Variants in CDK8 observed in about 807,000 individuals in gnomAD.
CDK8 encodes cyclin-dependent kinase 8.
A neutral mutation model predicts 71.5 loss-of-function variants in CDK8; 29 were observed. The ratio of observed to expected loss-of-function variants is 0.41; its 90% CI spans 0.30 to 0.55. CDK8 has a LOEUF of 0.55. Among genes scored for constraint, CDK8 ranks in the 20% least tolerant of loss-of-function variants. The pLI is 0.37. For missense variants in CDK8, 288 were observed against 572.6 expected (o/e 0.50, Z 5.07); for synonymous variants, 161 against 192.1 (o/e 0.84, Z 1.34).
chr13:26,396,408 A>C (rs1875995337), intron 8 of CDK8, 54 bp downstream of exon 8: 2 of 709,198 alleles, frequency 2.8e-6, no homozygotes, highest in Non-Finnish European at 4.6e-6. Flanking sequence ...CAGAATACTC[A>C]GTGTAAGACT....
chr13:26,344,502 G>A (rs1409774866), intron 2 of CDK8, among the ~76,000 whole-genome samples: 1 of 152,188 alleles, frequency 6.6e-6, no homozygotes, highest in Admixed American at 6.5e-5. Flanking sequence ...GCTTATGCCT[G>A]TAATCACAAC....
At chr13:26,352,947 G>A (rs1207703718) in intron 3 of CDK8, among the ~76,000 whole-genome samples, 1 of 152,184 alleles carries the variant, frequency 6.6e-6, no homozygotes, top group East Asian at 1.9e-4. Flanking sequence ...CCAAGGGTCT[G>A]CTCTGTGCAA....
chr13:26,254,594 T>TGCCCCCCC lies in CDK8; in HGVS notation c.-41_-40insCGCCCCCC. ...CCCGTGCTTCCCCGGTCCCCACCCC[T>TGCCCCCCC]GCCCCCCGGCCCCCCGACCCAGCTC... On this transcript the variant is annotated 5_prime_UTR_variant, in exon 1 of 13. Coordinates refer to ENST00000381527, the MANE Select transcript of CDK8 (RefSeq NM_001260.3). This position sits in a 1 kb window ranked among gnomAD's most constrained non-coding sequence, Gnocchi z 6.7. 10 of 685,254 alleles carry TGCCCCCCC rather than the reference T, an allele frequency of 1.5e-5. No homozygotes were observed. The highest frequency in any genetic ancestry group is 7.7e-5 in the Admixed American group (3 of 39,030). 42.4% of individuals were successfully genotyped at this position (685,254 alleles called of 1,614,324 possible).
At chr13:26,335,546 T>A (rs1033303029) in intron 1 of CDK8, among the ~76,000 whole-genome samples, 9 of 152,156 alleles carry the variant, frequency 5.9e-5, no homozygotes, top group Non-Finnish European at 1.2e-4. Flanking sequence ...GATGTCTCAC[T>A]GGTCCCCAAA....
intron 4 of CDK8, among the ~76,000 whole-genome samples, chr13:26,374,491 G>A (rs1010094712): frequency 5.9e-5 from 9 of 152,034 alleles, no homozygotes; most frequent in Non-Finnish European, 1.3e-4. Flanking sequence ...ATGATAAATA[G>A]GCTGAATATA....
chr13:26,281,430 G>C (rs1872740120), intron 1 of CDK8, among the ~76,000 whole-genome samples: 1 of 152,188 alleles, frequency 6.6e-6, no homozygotes, highest in South Asian at 2.1e-4. Flanking sequence ...ATCCCTAACG[G>C]GGAGTGCATC....
At chr13:26,316,954 A>G (rs1005826422) in intron 1 of CDK8, among the ~76,000 whole-genome samples, 2 of 152,176 alleles carry the variant, frequency 1.3e-5, no homozygotes, top group African/African-American at 4.8e-5. Context: ...GTAAAAACAA[A>G]CCAAAAACAA....
chr13:26,319,265 C>T (rs923568770), intron 1 of CDK8, among the ~76,000 whole-genome samples: 6 of 151,814 alleles, frequency 4.0e-5, no homozygotes, highest in African/African-American at 7.3e-5. Context: ...ATCTGGAATT[C>T]GAGACCAGCC....
At chr13:26,365,881 T>G (rs1054030933) in intron 4 of CDK8, among the ~76,000 whole-genome samples, 2 of 152,066 alleles carry the variant, frequency 1.3e-5, no homozygotes, top group Middle Eastern at 3.2e-3. Context: ...CTTTTGACCT[T>G]TGGACTTTCA....
intron 4 of CDK8, among the ~76,000 whole-genome samples, chr13:26,365,681 G>A (rs1462617720): frequency 1.3e-5 from 2 of 152,000 alleles, no homozygotes; most frequent in Non-Finnish European, 2.9e-5. Flanking sequence ...CGTAATTGAT[G>A]TAATACATCA....
intron 4 of CDK8, among the ~76,000 whole-genome samples, chr13:26,366,993 C>G (rs1040357936): frequency 1.3e-5 from 2 of 152,160 alleles, no homozygotes. Context: ...GCAGACAACC[C>G]TGCTGACACT....
intron 8 of CDK8, 37 bp from the exon 9 acceptor site, chr13:26,397,116 A>T (rs762868928): frequency 2.5e-6 from 3 of 1,196,102 alleles, no homozygotes; most frequent in Non-Finnish European, 3.7e-6. Context: ...ATTAACCTCA[A>T]GTCTAATATA....
chr13:26,284,341 A>C (rs1207107477), intron 1 of CDK8, among the ~76,000 whole-genome samples: 1 of 152,232 alleles, frequency 6.6e-6, no homozygotes, highest in Non-Finnish European at 1.5e-5. Flanking sequence ...ACAAAAGATA[A>C]ATGCAAGAAA....
rs17083756 is a variant in CDK8, at chr13:26,313,598, C to G, written c.129-23969C>G. ...ACATTTCAGGGAATTTGGTATGTAGCCAGCTATGCTTGGGAGATTTACATG... is the reference window on the plus strand; with the variant it reads ...ACATTTCAGGGAATTTGGTATGTAGGCAGCTATGCTTGGGAGATTTACATG... On this transcript the variant is annotated intron_variant, in intron 1 of 12. Coordinates refer to ENST00000381527, the MANE Select transcript of CDK8 (RefSeq NM_001260.3). Among the ~76,000 whole-genome samples, 1,296 of 152,218 alleles carry G rather than the reference C, an allele frequency of 8.5e-3. 26 individuals are homozygous for G. The highest frequency in any genetic ancestry group is 0.028 in the African/African-American group (1,172 of 41,530).
intron 1 of CDK8, among the ~76,000 whole-genome samples, chr13:26,296,153 C>G (rs1053513437): frequency 6.6e-6 from 1 of 152,182 alleles, no homozygotes; most frequent in Non-Finnish European, 1.5e-5. Flanking sequence ...GCGTTATTGT[C>G]AACATCGCCT....
At chr13:26,282,478 A>G (rs2137887628) in intron 1 of CDK8, among the ~76,000 whole-genome samples, 1 of 152,322 alleles carries the variant, frequency 6.6e-6, no homozygotes, top group African/African-American at 2.4e-5. Flanking sequence ...AACCTTCATA[A>G]ATGGAAAGAT....
intron 4 of CDK8, among the ~76,000 whole-genome samples, chr13:26,368,247 A>T (rs141272244): frequency 6.6e-6 from 1 of 152,272 alleles, no homozygotes; most frequent in African/African-American, 2.4e-5. Flanking sequence ...GGCCACTTGG[A>T]TTACTGCAGA....
chr13:26,258,960 T>C (rs556857878), intron 1 of CDK8, among the ~76,000 whole-genome samples: 8 of 152,244 alleles, frequency 5.3e-5, no homozygotes, highest in African/African-American at 1.9e-4. Context: ...ATTGAGGATT[T>C]ATGGACTAGT....
chr13:26,271,130 T>C (rs1047326148), intron 1 of CDK8, among the ~76,000 whole-genome samples: 2 of 152,250 alleles, frequency 1.3e-5, no homozygotes, highest in East Asian at 3.8e-4. Flanking sequence ...GAAAATATAT[T>C]CAAATGCTTT....
Sources: gnomAD v4.1 joint callset for allele counts (sites outside exome capture counted in the v4.1 genomes callset) on GRCh38, gnomAD v4.1.1 for gene constraint, Gnocchi (gnomAD v3.1) non-coding constraint, MANE v1.5 for transcripts, NCBI Gene and HGNC (gene_info 2026-07-23, HGNC 2026-07-21) for gene names.